The following CDKN2B-AS1 variants were observed in gnomAD, a reference collection of about 807,000 sequenced individuals.
CDKN2B-AS1 encodes CDKN2B and CDKN2A antisense cis and trans regulatory RNA 1.
chr9:22,010,039 T>C (rs1821419780), intron 1 of CDKN2B-AS1, among the ~76,000 whole-genome samples: 1 of 152,222 alleles, frequency 6.6e-6, no homozygotes, highest in Non-Finnish European at 1.5e-5. Flanking sequence ...ATCATATTTG[T>C]ACAGTAAATC....
At chr9:22,069,212 C>T (rs1335051564) in intron 4 of CDKN2B-AS1, among the ~76,000 whole-genome samples, 2 of 152,110 alleles carry the variant, frequency 1.3e-5, no homozygotes, top group East Asian at 1.9e-4. Flanking sequence ...TAAAGTTTTG[C>T]GCCTGGCACT....
chr9:22,052,444 A>G (rs922000861), intron 3 of CDKN2B-AS1, among the ~76,000 whole-genome samples: 1 of 152,244 alleles, frequency 6.6e-6, no homozygotes, highest in East Asian at 1.9e-4. Flanking sequence ...ACACTTCTCA[A>G]GAAGAAGGAA....
chr9:22,005,222 C>T lies in CDKN2B-AS1; in HGVS notation n.29+10061C>T, dbSNP rs920181429. On this transcript the variant is annotated intron_variant and non_coding_transcript_variant, in intron 1 of 4. Coordinates refer to ENST00000650946, the Ensembl canonical transcript of CDKN2B-AS1. The surrounding 1 kb of genome is among the most constrained non-coding windows in gnomAD (Gnocchi z 4.9). Reference sequence around the variant, plus strand: ...CATCCTGTGTAGTCTGCCTGCGGAACCCGCGGGAATCTCTCCTCAGTGTAG... The same window carrying T: ...CATCCTGTGTAGTCTGCCTGCGGAATCCGCGGGAATCTCTCCTCAGTGTAG... 4 of 233,732 alleles carry T rather than the reference C, an allele frequency of 1.7e-5. No homozygotes were observed. The highest frequency in any genetic ancestry group is 1.3e-3 in the Middle Eastern group (1 of 786). 14.5% of individuals were successfully genotyped at this position (233,732 alleles called of 1,614,324 possible). A position where few individuals can be genotyped will look rare whatever the true frequency, so the allele number is the denominator to read the frequency against.
intron 1 of CDKN2B-AS1, among the ~76,000 whole-genome samples, chr9:22,042,100 G>A (rs548366764): frequency 1.3e-5 from 2 of 152,152 alleles, no homozygotes; most frequent in South Asian, 4.1e-4. Flanking sequence ...TGAGATCACT[G>A]CTAGCTCATT....
At chr9:22,124,158 T>C (rs1275432535) in intron 4 of CDKN2B-AS1, among the ~76,000 whole-genome samples, 5 of 152,162 alleles carry the variant, frequency 3.3e-5, no homozygotes, top group Non-Finnish European at 7.3e-5. Flanking sequence ...TTATAAAAGG[T>C]TAGGAAGATT....
intron 1 of CDKN2B-AS1, among the ~76,000 whole-genome samples, chr9:22,022,155 T>G (rs1822043640): frequency 6.6e-6 from 1 of 152,142 alleles, no homozygotes; most frequent in Non-Finnish European, 1.5e-5. Flanking sequence ...GAGAGTTTTG[T>G]ATATATCTAT....
intron 4 of CDKN2B-AS1, among the ~76,000 whole-genome samples, chr9:22,116,406 CAG>C (rs2131372671): frequency 6.6e-6 from 1 of 152,282 alleles, no homozygotes; most frequent in African/African-American, 2.4e-5. Context: ...CAATGCATAA[CAG>C]ACCCAACAGA....
intron 1 of CDKN2B-AS1, chr9:22,009,335 T>C (rs1821376108): frequency 5.0e-6 from 2 of 399,926 alleles, no homozygotes; most frequent in Non-Finnish European, 4.5e-6. Context: ...AATTCCGTTT[T>C]CAGCTGGGCC....
At chr9:22,081,873 G>A (rs990667019) in intron 4 of CDKN2B-AS1, among the ~76,000 whole-genome samples, 5 of 152,138 alleles carry the variant, frequency 3.3e-5, no homozygotes, top group African/African-American at 4.8e-5. Context: ...ATCATTTTTG[G>A]GGTTGTTGTG....
intron 4 of CDKN2B-AS1, chr9:22,065,905 G>A (rs548022918): frequency 5.9e-5 from 9 of 152,122 alleles, no homozygotes; most frequent in South Asian, 2.1e-4. Context: ...TTTTGTACCC[G>A]TAGCTCTTTG....
At chr9:22,096,121 G>T (rs1271218955) in intron 4 of CDKN2B-AS1, among the ~76,000 whole-genome samples, 1 of 152,146 alleles carries the variant, frequency 6.6e-6, no homozygotes, top group Non-Finnish European at 1.5e-5. Flanking sequence ...AGAGGGAATA[G>T]CACATGTAAG....
chr9:22,008,698 A>G (rs753450386), intron 1 of CDKN2B-AS1: 5 of 1,611,108 alleles, frequency 3.1e-6, no homozygotes, highest in Non-Finnish European at 3.4e-6. Context: ...AGACTCCTGT[A>G]CAAATCTACA....
intron 3 of CDKN2B-AS1, among the ~76,000 whole-genome samples, chr9:22,049,640 G>A (rs1823258218): frequency 6.6e-6 from 1 of 152,120 alleles, no homozygotes; most frequent in African/African-American, 2.4e-5. Flanking sequence ...GAGAAAAATG[G>A]CATTCTTCAG....
chr9:22,114,481 G>GTC (rs1825892340), intron 4 of CDKN2B-AS1, among the ~76,000 whole-genome samples: 1 of 152,182 alleles, frequency 6.6e-6, no homozygotes, highest in Non-Finnish European at 1.5e-5. Flanking sequence ...TGGCTACTAT[G>GTC]TAAGACTCAT....
intron 4 of CDKN2B-AS1, among the ~76,000 whole-genome samples, chr9:22,109,482 G>A (rs182910546): frequency 1.3e-4 from 20 of 152,192 alleles, no homozygotes; most frequent in East Asian, 7.7e-4. Flanking sequence ...ACCCTAATAC[G>A]TTTCCTGCGT....
rs977154932 is a variant in CDKN2B-AS1 at position 22,095,341 on chromosome 9, T to C, written n.439-31762T>C. Among the ~76,000 whole-genome samples the C allele has an allele frequency of 1.4e-4, 21 of 144,848 alleles. 1 individual carries two copies. In the Middle Eastern group the frequency reaches 0.01, roughly 72 times the overall value. The stretch of plus-strand genomic sequence containing the variant: ...AACATCTTTATTTCTGCCTTCATTT[T>C]GTTATGTACCCAGTAGTCATTCAGG... On this transcript the variant is annotated intron_variant and non_coding_transcript_variant, in intron 4 of 4. Transcript: ENST00000650946.
chr9:22,071,284 GC>G (rs1315596551), intron 4 of CDKN2B-AS1, among the ~76,000 whole-genome samples: 1 of 77,496 alleles, frequency 1.3e-5, no homozygotes, highest in African/African-American at 6.0e-5. Context: ...GAAATATCTA[GC>G]TTTTTTTTTT....
chr9:22,037,431 G>A (rs1442312367), intron 1 of CDKN2B-AS1, among the ~76,000 whole-genome samples: 3 of 151,688 alleles, frequency 2.0e-5, no homozygotes, highest in East Asian at 2.1e-4. Flanking sequence ...CCTGGTTTGC[G>A]TAATCTACAT....
At chr9:22,118,797 G>T (rs906172549) in intron 4 of CDKN2B-AS1, 2 of 152,156 alleles carry the variant, frequency 1.3e-5, no homozygotes, top group Non-Finnish European at 2.9e-5. Context: ...AAATTCACAT[G>T]TATGTGAATT....
Sources: gnomAD v4.1 joint callset for allele counts (sites outside exome capture counted in the v4.1 genomes callset) on GRCh38, gnomAD v4.1.1 for gene constraint, Gnocchi (gnomAD v3.1) non-coding constraint, MANE v1.5 for transcripts, NCBI Gene and HGNC (gene_info 2026-07-23, HGNC 2026-07-21) for gene names.